Variants in SOX5 observed in about 807,000 individuals in gnomAD.
SOX5 encodes SRY-box transcription factor 5.
Under a neutral mutation model 92.0 loss-of-function variants are expected in SOX5, and 9 were observed. The observed-to-expected ratio is 0.10, with a 90% confidence interval of 0.06 to 0.17. The LOEUF (loss-of-function observed/expected upper bound fraction) is 0.17, where lower values mean the gene tolerates loss of function less well. Ranked by LOEUF, SOX5 falls within the 10% of genes least tolerant of loss-of-function variation. The probability of loss-of-function intolerance (pLI) is 1.00; values close to 1 mark genes in which losing one functional copy is unlikely to be tolerated. For synonymous variants in SOX5, 344 were observed against 336.3 expected (o/e 1.02, Z -0.25); for missense variants, 642 against 944.5 (o/e 0.68, Z 4.20).
chr12:24,194,018 C>G (rs889625491), intron 4 of SOX5, among the ~76,000 whole-genome samples: 7 of 152,082 alleles, frequency 4.6e-5, no homozygotes, highest in African/African-American at 1.7e-4. Context: ...TCATGTGGCT[C>G]TACATGTTCA....
intron 1 of SOX5, among the ~76,000 whole-genome samples, chr12:23,948,733 A>G (rs973218890): frequency 6.6e-6 from 1 of 152,162 alleles, no homozygotes; most frequent in Non-Finnish European, 1.5e-5. Flanking sequence ...TGCAATGTGT[A>G]CTTATAGGAA....
At chr12:24,435,754 T>C (rs1299689867) in intron 1 of SOX5, among the ~76,000 whole-genome samples, 1 of 145,438 alleles carries the variant, frequency 6.9e-6, no homozygotes, top group African/African-American at 2.5e-5. Flanking sequence ...TCACAGATAC[T>C]GTGGTTTGTT....
intron 4 of SOX5, among the ~76,000 whole-genome samples, chr12:23,964,171 T>G (rs1947284131): frequency 6.6e-6 from 1 of 152,124 alleles, no homozygotes; most frequent in Non-Finnish European, 1.5e-5. Context: ...TAAGATATAT[T>G]ATGGGAGATA....
At chr12:24,181,711 A>G (rs906167821) in intron 4 of SOX5, among the ~76,000 whole-genome samples, 3 of 152,192 alleles carry the variant, frequency 2.0e-5, no homozygotes, top group Admixed American at 2.0e-4. Context: ...TTGTTTTTCT[A>G]TTTTAAAAAT....
intron 2 of SOX5, among the ~76,000 whole-genome samples, chr12:24,367,264 T>C (rs890628137): frequency 3.3e-5 from 5 of 152,188 alleles, no homozygotes; most frequent in Non-Finnish European, 5.9e-5. Flanking sequence ...TAAACATCTT[T>C]GGAATATCCA....
At chr12:23,776,514 A>G (rs143646114) in intron 3 of SOX5, among the ~76,000 whole-genome samples, 19 of 152,206 alleles carry the variant, frequency 1.2e-4, no homozygotes, top group African/African-American at 3.4e-4. Context: ...GATGTTGAAG[A>G]CTTAGGCAAG....
intron 4 of SOX5, among the ~76,000 whole-genome samples, chr12:23,960,005 T>A (rs1430271711): frequency 1.3e-5 from 2 of 152,218 alleles, no homozygotes; most frequent in African/African-American, 4.8e-5. Flanking sequence ...CTTGCTTTAG[T>A]CAATGCAGTA....
At chr12:23,604,664 TAAAG>T (rs2075013261) in intron 8 of SOX5, 131 bp from the exon 9 acceptor site, 5 of 797,706 alleles carry the variant, frequency 6.3e-6, no homozygotes, top group Non-Finnish European at 9.7e-6. Flanking sequence ...CTGGAATATT[TAAAG>T]AAAGAAGCTG....
intron 3 of SOX5, among the ~76,000 whole-genome samples, chr12:24,248,943 A>C (rs893699322): frequency 6.6e-6 from 1 of 152,220 alleles, no homozygotes; most frequent in Non-Finnish European, 1.5e-5. Flanking sequence ...GAGAAAGGCT[A>C]AATAATCATA....
At chr12:24,478,621 G>A (rs117925788) in intron 1 of SOX5, among the ~76,000 whole-genome samples, 3,190 of 152,228 alleles carry the variant, frequency 0.021, 40 homozygotes, top group Middle Eastern at 0.034. Flanking sequence ...CTGTTATGGT[G>A]CTACAGTAGC....
chr12:24,138,012 G>A (rs1006218699), intron 4 of SOX5, among the ~76,000 whole-genome samples: 3 of 152,240 alleles, frequency 2.0e-5, no homozygotes, highest in African/African-American at 7.2e-5. Flanking sequence ...AGGAACTTGC[G>A]TATAGTGGAA....
chr12:24,309,187 C>T (rs1224150759), intron 2 of SOX5, among the ~76,000 whole-genome samples: 1 of 152,178 alleles, frequency 6.6e-6, no homozygotes, highest in African/African-American at 2.4e-5. Flanking sequence ...GCCTCCATCT[C>T]AAGATAACTT....
At chr12:24,094,198 C>T (rs774763419) in intron 4 of SOX5, among the ~76,000 whole-genome samples, 1 of 152,144 alleles carries the variant, frequency 6.6e-6, no homozygotes, top group Non-Finnish European at 1.5e-5. Context: ...CCACCCACCT[C>T]GGCCTACCAA....
chr12:24,357,851 AAAAGAAAG>A lies in SOX5; in HGVS notation c.-174+10704_-174+10711del, dbSNP rs1192846667. ...GCGAGACTCCATCTCAAAAAAAAAAAAAAGAAAGAAGAAAAAAGAAAGCCTATTGAAAT... is the reference window on the plus strand; with the variant it reads ...GCGAGACTCCATCTCAAAAAAAAAAAAAGAAAAAAGAAAGCCTATTGAAAT... On this transcript the variant is annotated intron_variant, in intron 2 of 4. Coordinates refer to the SOX5 transcript ENST00000446891. Among the ~76,000 whole-genome samples the A allele has an allele frequency of 4.0e-5, 6 of 151,218 alleles. No homozygotes were observed. In the South Asian group the frequency reaches 1.3e-3, roughly 32 times the overall value.
chr12:24,477,302 T>C (rs1301366166), intron 1 of SOX5, among the ~76,000 whole-genome samples: 1 of 151,988 alleles, frequency 6.6e-6, no homozygotes, highest in Non-Finnish European at 1.5e-5. Flanking sequence ...CTAGGCTAAT[T>C]TTTGTATTTT....
chr12:23,945,630 T>C (rs542100227), intron 1 of SOX5, among the ~76,000 whole-genome samples: 29 of 152,284 alleles, frequency 1.9e-4, no homozygotes, highest in Admixed American at 2.0e-4. Flanking sequence ...GTTGTAGACA[T>C]TGTCTCCTCT....
chr12:23,642,677 T>C (rs1566637668), intron 7 of SOX5, among the ~76,000 whole-genome samples: 1 of 152,190 alleles, frequency 6.6e-6, no homozygotes, highest in Non-Finnish European at 1.5e-5. Context: ...ATCTAAACTT[T>C]ATCCTATACG....
chr12:24,533,628 T>C (rs2138685230), intron 1 of SOX5, among the ~76,000 whole-genome samples: 1 of 152,200 alleles, frequency 6.6e-6, no homozygotes, highest in South Asian at 2.1e-4. Context: ...AAACTAGAAG[T>C]AATATGAAAG....
chr12:24,217,984 G>A (rs1280041602), intron 3 of SOX5, among the ~76,000 whole-genome samples: 1 of 152,120 alleles, frequency 6.6e-6, no homozygotes, highest in Non-Finnish European at 1.5e-5. Context: ...TACAAGCACT[G>A]GTGAGGCTAT....
Sources: allele counts gnomAD v4.1 joint callset (sites outside exome capture counted in the v4.1 genomes callset), GRCh38; gene constraint gnomAD v4.1.1; transcripts MANE v1.5; gene names NCBI Gene and HGNC (gene_info 2026-07-23, HGNC 2026-07-21).